Variants in CLUH observed in about 807,000 individuals in gnomAD.
CLUH encodes the protein clustered mitochondria protein homolog.
In CLUH, 77 loss-of-function variants were observed where a neutral mutation model predicts 139.3. The ratio of observed to expected loss-of-function variants is 0.55; its 90% CI spans 0.46 to 0.67. The LOEUF (loss-of-function observed/expected upper bound fraction) is 0.67, where lower values mean the gene tolerates loss of function less well. Among genes scored for constraint, CLUH ranks in the 30% least tolerant of loss-of-function variants. The pLI is 0.00. For missense variants in CLUH, 1,876 were observed against 1,875.8 expected (o/e 1.00, Z 0.00); for synonymous variants, 999 against 801.6 (o/e 1.25, Z -4.16).
chr17:2,701,301 G>C (rs768263446), intron 6 of CLUH, 36 bp from the exon 7 acceptor site: 1 of 1,608,008 alleles, frequency 6.2e-7, no homozygotes, highest in Non-Finnish European at 8.5e-7. Flanking sequence ...CGGGGGCCCA[G>C]GTGTCTGCCC....
In CLUH at chr17:2,690,605, C is replaced by T. The variant is rs772903126; in HGVS notation, c.4036G>A (p.Val1346Met). ...PPAAKDPSPS[V>M]QG ...GTCTGGCTCCCTCTCTATCCCTGCA[C>T]GCTCGGAGAAGGGTCCTTGGCAGCC... The change falls in exon 26 of 26, where the codon GTG (valine) becomes ATG (methionine). Residue 1346 changes from valine to methionine, a missense_variant. By Grantham distance (21) the Val-to-Met change is conservative. Coordinates refer to ENST00000651024, the MANE Select transcript of CLUH (RefSeq NM_001366661.1). The T allele has an allele frequency of 2.4e-5, 35 of 1,487,122 alleles. No homozygotes were observed. Among genetic ancestry groups the T allele is most frequent in the Non-Finnish European group, 5.3e-6 (6 of 1,122,602 alleles). 92.1% of individuals were successfully genotyped at this position (1,487,122 alleles called of 1,614,324 possible).
chr17:2,703,106 G>A lies in CLUH; in HGVS notation c.475+212C>T, dbSNP rs891371747. Among the ~76,000 whole-genome samples the A allele has an allele frequency of 3.9e-5, 6 of 152,148 alleles. No individual in the cohort carries two copies. The highest frequency in any genetic ancestry group is 1.9e-4 in the East Asian group (1 of 5,190). On this transcript the variant is annotated intron_variant, in intron 3 of 25. Coordinates refer to ENST00000651024, the MANE Select transcript of CLUH (RefSeq NM_001366661.1). This position sits in a 1 kb window ranked among gnomAD's most constrained non-coding sequence, Gnocchi z 4.2. ...CTCCCAAAGTGTTGGGATTACAGGC[G>A]TGAGCCACCATGCCCAGCCCACGGC... is the stretch of plus-strand genomic sequence containing the variant.
chr17:2,694,743 T>C, intron 16 of CLUH, 114 bp downstream of exon 16: 1 of 1,405,342 alleles, frequency 7.1e-7, no homozygotes, highest in Non-Finnish European at 9.5e-7. Context: ...CTGCTCCCTC[T>C]TCTCTCTGAC....
At chr17:2,697,404 A>G (rs1417805054) in intron 10 of CLUH, among the ~76,000 whole-genome samples, 1 of 151,554 alleles carries the variant, frequency 6.6e-6, no homozygotes, top group Non-Finnish European at 1.5e-5. Context: ...CGTCTCAGAA[A>G]AAAAAAAAAA....
intron 17 of CLUH, 83 bp downstream of exon 17, chr17:2,694,397 C>T (rs370904951): frequency 6.5e-7 from 1 of 1,527,192 alleles, no homozygotes. Context: ...CCCCTGTGGC[C>T]CTGGCCAGGA....
chr17:2,692,502 G>T lies in CLUH; in HGVS notation c.3439-20C>A. 6.3e-7 allele frequency: 1 copy of T among 1,596,486 alleles called. No homozygotes were observed. Among genetic ancestry groups the T allele is most frequent in the Admixed American group, 1.7e-5 (1 of 59,678 alleles). The stretch of plus-strand genomic sequence containing the variant: ...GTTGTTCTGGGGGCAGGCGGTGGGG[G>T]GCCCTGGTCAGCTCCCGGTCCCCTG... On this transcript the variant is annotated intron_variant, in intron 21 of 25. Transcript: ENST00000651024.
intron 10 of CLUH, among the ~76,000 whole-genome samples, chr17:2,697,227 G>A (rs1249843779): frequency 2.6e-5 from 4 of 151,972 alleles, no homozygotes; most frequent in Non-Finnish European, 5.9e-5. Flanking sequence ...GAGAAACCCC[G>A]TCTCTACTAA....
In CLUH at chr17:2,692,442, T is replaced by A. The variant is rs777551831; in HGVS notation, c.3479A>T (p.Asp1160Val). The A allele has an allele frequency of 6.2e-7, 1 of 1,600,346 alleles. No homozygotes were observed. Residue 1160 changes from aspartate to valine, a missense_variant, in exon 22 of 26, where the codon GAC (aspartate) becomes GTC (valine). Physicochemically the swap from Asp to Val is radical, Grantham distance 152 (BLOSUM62 -3). Coordinates refer to ENST00000651024, the MANE Select transcript of CLUH (RefSeq NM_001366661.1). Reference sequence around the variant, plus strand: ...GTTCTCCAGGAAGCGCAGCGACAGGTCGTACTCCATCACCCCGTGCAGCAC... The same window carrying A: ...GTTCTCCAGGAAGCGCAGCGACAGGACGTACTCCATCACCCCGTGCAGCAC... ...GLVLHGVMEY[D>V]LSLRFLENAL...
chr17:2,700,740 A>C lies in CLUH; in HGVS notation c.1111T>G (p.Cys371Gly). The change falls in exon 8 of 26, where the codon TGC becomes GGC. Residue 371 changes from cysteine to glycine, a missense_variant. Physicochemically the swap from Cys to Gly is radical, Grantham distance 159. Around this residue, in one of 3 missense-constraint regions of CLUH, gnomAD observed 1,454 missense variants for 1,384.4 expected, o/e 1.05. Transcript: ENST00000651024. ...TAPQAEHAMD[C>G]VRAEDAYTSR... The stretch of plus-strand genomic sequence containing the variant: ...GTGTAGGCGTCCTCTGCACGCACGC[A>C]ATCCATGGCATGCTCCGCCTGGGGG... 6.5e-7 allele frequency: 1 copy of C among 1,545,590 alleles called. No individual in the cohort carries two copies. The highest frequency in any genetic ancestry group is 8.7e-7 in the Non-Finnish European group (1 of 1,151,374).
At position 2,694,473 on chromosome 17, in the gene CLUH, T is replaced by C; in HGVS notation, c.2937+7A>G. On this transcript the variant is annotated splice_region_variant and intron_variant, in intron 17 of 25. Transcript: ENST00000651024. ...GACACAGCGGGGATGCTGTGAGCCA[T>C]GCCCACCTGGATCCCTGTTTTCAGC... The C allele has an allele frequency of 5.1e-6, 8 of 1,571,272 alleles. No homozygotes were observed. The highest frequency in any genetic ancestry group is 6.9e-6 in the Non-Finnish European group (8 of 1,158,254).
rs747203767 is a variant in CLUH at position 2,703,535 on chromosome 17, G to A, written c.304-46C>T. On this transcript the variant is annotated intron_variant, in intron 2 of 25. Coordinates refer to ENST00000651024, the MANE Select transcript of CLUH (RefSeq NM_001366661.1). This position sits in a 1 kb window ranked among gnomAD's most constrained non-coding sequence, Gnocchi z 4.2. ...CCACCCCGGTGAGAGAGCACGTAGCGGGGAGAGAAGGCCCCAACCGCCCCG... is the reference window on the plus strand; with the variant it reads ...CCACCCCGGTGAGAGAGCACGTAGCAGGGAGAGAAGGCCCCAACCGCCCCG... The A allele has an allele frequency of 2.4e-5, 38 of 1,588,508 alleles. No individual in the cohort carries two copies. The highest frequency in any genetic ancestry group is 1.7e-4 in the Middle Eastern group (1 of 5,794).
rs552566683 is a variant in CLUH at position 2,707,182 on chromosome 17, T to C, written c.101-2618A>G. On this transcript the variant is annotated intron_variant, in intron 1 of 25. Coordinates refer to ENST00000651024, the MANE Select transcript of CLUH (RefSeq NM_001366661.1). This position sits in a 1 kb window ranked among gnomAD's most constrained non-coding sequence, Gnocchi z 7.4. The stretch of plus-strand genomic sequence containing the variant: ...AGGTCCCGGTGCTCACCTGGTGCAG[T>C]TGGCAGCTGCCCTCCCCTCGGCTCT... 2 of 985,376 alleles carry C rather than the reference T, an allele frequency of 2.0e-6. No individual in the cohort carries two copies. Among genetic ancestry groups the C allele is most frequent in the East Asian group, 2.3e-4 (2 of 8,798 alleles). The allele number at this position is 985,376 out of a possible 1,614,324, so 61.0% of individuals were successfully genotyped here.
chr17:2,707,883 G>A lies in CLUH; in HGVS notation c.101-3319C>T, dbSNP rs1020240161. On this transcript the variant is annotated intron_variant, in intron 1 of 25. Transcript: ENST00000651024. This position sits in a 1 kb window ranked among gnomAD's most constrained non-coding sequence, Gnocchi z 7.4. ...CCCTTCCTGGGAGTCACTGGTTCTG[G>A]TGGAAGGGAGGGGGATGGGCCCCCA... is the stretch of plus-strand genomic sequence containing the variant. The A allele has an allele frequency of 1.4e-5, 14 of 985,328 alleles. No homozygotes were observed. In the African/African-American group the frequency reaches 2.1e-4, roughly 15 times the overall value. 61.0% of individuals were successfully genotyped at this position (985,328 alleles called of 1,614,324 possible).
At position 2,691,790 on chromosome 17, in the gene CLUH, C is replaced by T. The variant is rs781609599; in HGVS notation, c.3760G>A (p.Gly1254Ser). 4.1e-5 allele frequency: 65 copies of T among 1,590,480 alleles called. No individual in the cohort carries two copies. The East Asian group carries it at 9.6e-4, about 24-fold the overall frequency. ...QRTMNEIYRN[G>S]SSANIPPLKF... ...AGGGGCGGGATGTTGGCGCTGGAGC[C>T]GTTGCGGTAGATCTCGTTCATGGTG... The change falls in exon 24 of 26, where the codon GGC becomes AGC. Residue 1254 changes from glycine to serine, a missense_variant. Physicochemically the swap from Gly to Ser is moderately conservative, Grantham distance 56. This residue lies in a region of CLUH where 1,454 missense variants were observed against 1,384.4 expected (regional missense o/e 1.05). Transcript: ENST00000651024.
intron 25 of CLUH, among the ~76,000 whole-genome samples, chr17:2,691,262 T>C (rs982432617): frequency 3.9e-5 from 6 of 152,064 alleles, no homozygotes; most frequent in African/African-American, 1.4e-4. Flanking sequence ...GCGAGGATGC[T>C]GGGGAAGATA....
rs930884105 is a variant in CLUH at position 2,701,602 on chromosome 17, C to T, written c.744+11G>A. The T allele has an allele frequency of 1.9e-6, 3 of 1,610,128 alleles. No individual in the cohort carries two copies. The East Asian group carries it at 6.7e-5, about 36-fold the overall frequency. ...CCAGGGACCCTCTTCCTCCCTCCCC[C>T]AGGATCCTACCTTCCAGTCACGGTT... is the stretch of plus-strand genomic sequence containing the variant. On this transcript the variant is annotated intron_variant, in intron 5 of 25. Transcript: ENST00000651024.
In CLUH at chr17:2,703,943, T is replaced by C. The variant is rs1165212336; in HGVS notation, c.303+419A>G. Among the ~76,000 whole-genome samples, 1 of 152,178 alleles carries C rather than the reference T, an allele frequency of 6.6e-6. No individual in the cohort carries two copies. The highest frequency in any genetic ancestry group is 1.5e-5 in the Non-Finnish European group (1 of 68,020). On this transcript the variant is annotated intron_variant, in intron 2 of 25. Transcript: ENST00000651024. The surrounding 1 kb of genome is among the most constrained non-coding windows in gnomAD (Gnocchi z 4.2). ...ACGACGACCCTGTCTCGTTCCCCACTGAGTCACCGGCTTGCAAGACCTCCA... is the reference window on the plus strand; with the variant it reads ...ACGACGACCCTGTCTCGTTCCCCACCGAGTCACCGGCTTGCAAGACCTCCA...
chr17:2,694,658 C>G, intron 16 of CLUH, 94 bp from the exon 17 acceptor site: 1 of 1,376,394 alleles, frequency 7.3e-7, no homozygotes, highest in African/African-American at 1.4e-5. Context: ...CAGCCCGGGC[C>G]CCCAACACTG....
In CLUH at chr17:2,692,385, G is replaced by A; in HGVS notation, c.3536C>T (p.Pro1179Leu). ...ALAVSTKYHG[P>L]KALKVALSHH... ...CCTGAGGGCCACCTTGAGGGCCTTG[G>A]GCCCGTGGTACTTGGTGCTGACGGC... The change falls in exon 22 of 26, where the codon CCC becomes CTC. Residue 1179 changes from proline to leucine, a missense_variant. Physicochemically the swap from Pro to Leu is moderately conservative, Grantham distance 98 (BLOSUM62 -3). Around this residue, in one of 3 missense-constraint regions of CLUH, gnomAD observed 1,454 missense variants for 1,384.4 expected, o/e 1.05. Coordinates refer to ENST00000651024, the MANE Select transcript of CLUH (RefSeq NM_001366661.1). The A allele has an allele frequency of 3.8e-6, 6 of 1,591,636 alleles. No individual in the cohort carries two copies. The highest frequency in any genetic ancestry group is 2.2e-5 in the East Asian group (1 of 44,484).
Sources: gnomAD v4.1 joint callset for allele counts (sites outside exome capture counted in the v4.1 genomes callset) on GRCh38, gnomAD v4.1.1 for gene constraint, gnomAD v4.1.1 regional missense constraint, Gnocchi (gnomAD v3.1) non-coding constraint, MANE v1.5 for transcripts, NCBI Gene and HGNC (gene_info 2026-07-23, HGNC 2026-07-21) for gene names.